Variants in SGTB observed in about 807,000 individuals in gnomAD.
The protein encoded by SGTB is small glutamine-rich tetratricopeptide repeat-containing protein beta.
A neutral mutation model predicts 43.9 loss-of-function variants in SGTB; 19 were observed. The ratio of observed to expected loss-of-function variants is 0.43; its 90% CI spans 0.30 to 0.63. The LOEUF is 0.63. Ranked by LOEUF, SGTB falls within the 30% of genes least tolerant of loss-of-function variation. SGTB has a pLI of 0.12. For synonymous variants in SGTB, 116 were observed against 117.3 expected, an observed-to-expected ratio of 0.99 and a Z score of 0.07; for missense variants, 304 against 358.9, an observed-to-expected ratio of 0.85 and a Z score of 1.24.
intron 4 of SGTB, among the ~76,000 whole-genome samples, chr5:65,707,447 T>C (rs949061735): frequency 6.6e-6 from 1 of 151,340 alleles, no homozygotes; most frequent in Non-Finnish European, 1.5e-5. Context: ...TATATTTTTT[T>C]TTTTTTGAGA....
chr5:65,704,438 T>C (rs1757891208), intron 4 of SGTB, 60 bp from the exon 5 acceptor site: 1 of 1,209,972 alleles, frequency 8.3e-7, no homozygotes. Flanking sequence ...CATACACTCT[T>C]ATAGACACAT....
intron 6 of SGTB, among the ~76,000 whole-genome samples, chr5:65,681,618 G>C (rs544136360): frequency 2.0e-5 from 3 of 152,042 alleles, no homozygotes; most frequent in Non-Finnish European, 4.4e-5. Flanking sequence ...AGTCAAGTCA[G>C]TAACTATTTA....
chr5:65,679,144 A>G (rs1246692460), intron 8 of SGTB, among the ~76,000 whole-genome samples: 2 of 152,232 alleles, frequency 1.3e-5, no homozygotes, highest in African/African-American at 4.8e-5. Flanking sequence ...AAACAAATTT[A>G]CAAGAAAAAA....
chr5:65,708,595 CTACA>C, intron 3 of SGTB, 37 bp from the exon 4 acceptor site: 1 of 1,540,160 alleles, frequency 6.5e-7, no homozygotes, highest in South Asian at 1.1e-5. Flanking sequence ...TTCCCTTTAG[CTACA>C]TAAAGAATCA....
intron 5 of SGTB, among the ~76,000 whole-genome samples, chr5:65,691,542 G>A (rs887516930): frequency 6.6e-6 from 1 of 151,762 alleles, no homozygotes; most frequent in African/African-American, 2.4e-5. Flanking sequence ...TGGCCAGGCT[G>A]GTCTCAAACT....
chr5:65,701,630 ATTTT>A (rs35304663), intron 5 of SGTB, among the ~76,000 whole-genome samples: 1 of 126,486 alleles, frequency 7.9e-6, no homozygotes, highest in Non-Finnish European at 1.7e-5. Flanking sequence ...TTTAAATTAA[ATTTT>A]TTTTTTTTTT....
Position 65,667,223 on chromosome 5 carries a change from C to G in SGTB, c.*3023G>C, listed in dbSNP as rs1757055036. On this transcript the variant is annotated 3_prime_UTR_variant, in exon 11 of 11. Transcript: ENST00000381007. ...TTGGTCATGGTGTTTTCTAGTTAGC[C>G]TTTTAATAACTATAGTGTCTGTAGT... 6.8e-6 allele frequency: 1 copy of G among 146,738 alleles called. No homozygotes were observed. Among genetic ancestry groups the G allele is most frequent in the African/African-American group, 2.5e-5 (1 of 39,294 alleles). The allele number at this position is 146,738 out of a possible 1,614,324, so 9.1% of individuals were successfully genotyped here. A position where few individuals can be genotyped will look rare whatever the true frequency, so the allele number is the denominator to read the frequency against.
At chr5:65,720,941 A>G in intron 1 of SGTB, 112 bp from the exon 2 acceptor site, 1 of 1,094,622 alleles carries the variant, frequency 9.1e-7, no homozygotes, top group Non-Finnish European at 1.3e-6. Flanking sequence ...GTAAAAACAA[A>G]ACACAAAACT....
chr5:65,717,656 G>A (rs1244928215), intron 2 of SGTB, among the ~76,000 whole-genome samples: 1 of 152,076 alleles, frequency 6.6e-6, no homozygotes, highest in East Asian at 1.9e-4. Context: ...GACAGTGAAG[G>A]AGGTTTGAGG....
In SGTB at chr5:65,669,736, T is replaced by C. The variant is rs1757118393; in HGVS notation, c.*510A>G. ...TCCCATGTTATATATTCATTACTAA[T>C]AGCACTTATCAAAGCTAAACCTAGA... On this transcript the variant is annotated 3_prime_UTR_variant, in exon 11 of 11. Transcript: ENST00000381007. 6.5e-6 allele frequency: 1 copy of C among 152,908 alleles called. No individual in the cohort carries two copies. The highest frequency in any genetic ancestry group is 2.1e-4 in the South Asian group (1 of 4,850). 9.5% of individuals were successfully genotyped at this position (152,908 alleles called of 1,614,324 possible).
intron 4 of SGTB, among the ~76,000 whole-genome samples, chr5:65,705,463 G>T (rs1215044073): frequency 6.6e-6 from 1 of 151,578 alleles, no homozygotes; most frequent in East Asian, 1.9e-4. Context: ...TAAAAAAAAA[G>T]AAAAAGAAAA....
At chr5:65,689,566 G>A (rs188419598) in intron 5 of SGTB, among the ~76,000 whole-genome samples, 50 of 152,158 alleles carry the variant, frequency 3.3e-4, no homozygotes, top group Non-Finnish European at 4.3e-4. Flanking sequence ...AAGATACAGC[G>A]AAGGAGTAAA....
upstream of SGTB, chr5:65,722,354 G>A (rs761534993): frequency 3.9e-6 from 6 of 1,553,546 alleles, no homozygotes; most frequent in Admixed American, 3.8e-5. Flanking sequence ...GCCCGCCGCC[G>A]CCAGCCTCTC....
chr5:65,704,554 A>G (rs1757893576), intron 4 of SGTB, among the ~76,000 whole-genome samples, 176 bp from the exon 5 acceptor site: 1 of 152,220 alleles, frequency 6.6e-6, no homozygotes, highest in African/African-American at 2.4e-5. Context: ...TTTAGCTTTC[A>G]GTGTGTTTGA....
chr5:65,678,527 C>G (rs974061552), intron 8 of SGTB, among the ~76,000 whole-genome samples: 6 of 152,070 alleles, frequency 3.9e-5, no homozygotes, highest in African/African-American at 1.4e-4. Flanking sequence ...AAAAAAGAGC[C>G]CAAACATCCA....
At chr5:65,678,973 A>G (rs1240787677) in intron 8 of SGTB, among the ~76,000 whole-genome samples, 1 of 152,222 alleles carries the variant, frequency 6.6e-6, no homozygotes, top group Non-Finnish European at 1.5e-5. Flanking sequence ...AATTGCAACA[A>G]AAGAAAAAAT....
chr5:65,718,855 G>GA (rs34754390), intron 2 of SGTB, among the ~76,000 whole-genome samples: 79,493 of 150,476 alleles, frequency 0.53, 21,215 homozygotes, highest in South Asian at 0.61. Flanking sequence ...ATCTTGGTTT[G>GA]AAAAAAAAAC....
At chr5:65,693,261 G>C (rs1389401303) in intron 5 of SGTB, among the ~76,000 whole-genome samples, 2 of 150,688 alleles carry the variant, frequency 1.3e-5, no homozygotes, top group African/African-American at 4.9e-5. Context: ...AGGAAGGAAG[G>C]AAGGAAGGAA....
chr5:65,713,085 T>A, intron 2 of SGTB, 21 bp from the exon 3 acceptor site: 1 of 1,552,508 alleles, frequency 6.4e-7, no homozygotes, highest in Non-Finnish European at 8.8e-7. Flanking sequence ...ATTTTAATAG[T>A]AAAAAACAAT....
Sources: gnomAD v4.1 joint callset for allele counts (sites outside exome capture counted in the v4.1 genomes callset) on GRCh38, gnomAD v4.1.1 for gene constraint, MANE v1.5 for transcripts, NCBI Gene and HGNC (gene_info 2026-07-23, HGNC 2026-07-21) for gene names.